Variants in RAB27B observed in about 807,000 individuals in gnomAD.
RAB27B encodes ras-related protein Rab-27B.
Under a neutral mutation model 24.6 loss-of-function variants are expected in RAB27B, and 15 were observed. That is an observed-to-expected ratio of 0.61 (90% CI 0.41 to 0.94). The LOEUF is 0.94. Among genes scored for constraint, RAB27B ranks in the 40% least tolerant of loss-of-function variants. The probability of loss-of-function intolerance (pLI) is 0.00; values close to 1 mark genes in which losing one functional copy is unlikely to be tolerated. For synonymous variants in RAB27B, 105 were observed against 92.5 expected, an observed-to-expected ratio of 1.14 and a Z score of -0.78; for missense variants, 261 against 266.8, an observed-to-expected ratio of 0.98 and a Z score of 0.15.
At chr18:54,796,840 C>T (rs1021041077) in intron 2 of RAB27B, among the ~76,000 whole-genome samples, 5 of 152,122 alleles carry the variant, frequency 3.3e-5, no homozygotes, top group Non-Finnish European at 7.4e-5. Context: ...GGGACCCTGC[C>T]CTTCTCTACC....
chr18:54,721,598 A>G (rs571541443), intron 2 of RAB27B, among the ~76,000 whole-genome samples: 1 of 152,280 alleles, frequency 6.6e-6, no homozygotes, highest in East Asian at 1.9e-4. Context: ...GCAGTAAACA[A>G]GTTATGTCCC....
At chr18:54,784,656 T>A (rs1174789539) in intron 2 of RAB27B, among the ~76,000 whole-genome samples, 2 of 152,224 alleles carry the variant, frequency 1.3e-5, no homozygotes, top group Non-Finnish European at 2.9e-5. Context: ...GTTCTTTTTT[T>A]ATGGCTGCGT....
chr18:54,790,617 AT>A (rs10713242), intron 2 of RAB27B, among the ~76,000 whole-genome samples: 57,746 of 150,712 alleles, frequency 0.38, 11,256 homozygotes, highest in South Asian at 0.49. Flanking sequence ...AAACAAAAAT[AT>A]TTTTTTTCTT....
chr18:54,821,823 G>A (rs1222314956), intron 2 of RAB27B, among the ~76,000 whole-genome samples: 1 of 152,130 alleles, frequency 6.6e-6, no homozygotes, highest in African/African-American at 2.4e-5. Flanking sequence ...ACACGATCTC[G>A]GCTCACTGCA....
chr18:54,805,920 C>A (rs530500666), intron 2 of RAB27B, among the ~76,000 whole-genome samples: 3 of 152,248 alleles, frequency 2.0e-5, no homozygotes, highest in African/African-American at 7.2e-5. Flanking sequence ...CCATCAAAAT[C>A]ATACATTGAT....
chr18:54,745,827 TTTA>T (rs1013987520), intron 2 of RAB27B, among the ~76,000 whole-genome samples: 5 of 146,714 alleles, frequency 3.4e-5, no homozygotes, highest in African/African-American at 1.2e-4. Flanking sequence ...AATATTTATA[TTTA>T]TTATATTATA....
At chr18:54,868,743 C>T (rs1351309861) in intron 1 of RAB27B, among the ~76,000 whole-genome samples, 1 of 152,130 alleles carries the variant, frequency 6.6e-6, no homozygotes, top group East Asian at 1.9e-4. Flanking sequence ...TCTCCTGCCT[C>T]AGCCTCCCAA....
intron 1 of RAB27B, among the ~76,000 whole-genome samples, chr18:54,869,778 G>T (rs910030259): frequency 6.6e-6 from 1 of 152,168 alleles, no homozygotes; most frequent in African/African-American, 2.4e-5. Flanking sequence ...AATTAGAAAT[G>T]TCAAGTAGGA....
At chr18:54,743,856 A>T (rs1910147629) in intron 2 of RAB27B, among the ~76,000 whole-genome samples, 1 of 152,184 alleles carries the variant, frequency 6.6e-6, no homozygotes. Context: ...TCACGTGTTA[A>T]TGGTTCACTT....
chr18:54,854,917 G>A (rs771791444), intron 1 of RAB27B, among the ~76,000 whole-genome samples: 3 of 152,166 alleles, frequency 2.0e-5, no homozygotes, highest in Non-Finnish European at 2.9e-5. Context: ...GACTGGGATT[G>A]GGGGATGGTT....
chr18:54,804,890 TTC>T (rs1348837563), intron 2 of RAB27B, among the ~76,000 whole-genome samples: 2 of 28,908 alleles, frequency 6.9e-5, no homozygotes, highest in Non-Finnish European at 7.8e-5. Flanking sequence ...CTTTCTTTCT[TTC>T]TCTTTCTCTC....
At chr18:54,798,546 C>T (rs192652656) in intron 2 of RAB27B, among the ~76,000 whole-genome samples, 1 of 152,338 alleles carries the variant, frequency 6.6e-6, no homozygotes, top group East Asian at 1.9e-4. Context: ...ACATAAGTGT[C>T]CAGGCAGAGA....
chr18:54,789,122 A>C (rs917661423), intron 2 of RAB27B, among the ~76,000 whole-genome samples: 2 of 152,366 alleles, frequency 1.3e-5, no homozygotes, highest in East Asian at 3.9e-4. Context: ...GCAACATTGC[A>C]GTTGAAGAAA....
intron 2 of RAB27B, among the ~76,000 whole-genome samples, chr18:54,780,962 T>C (rs1250874859): frequency 4.6e-5 from 7 of 152,216 alleles, no homozygotes; most frequent in Admixed American, 4.6e-4. Context: ...CCCATGGTTA[T>C]ACCAATGCCT....
chr18:54,826,007 C>T (rs763949452), upstream of RAB27B, among the ~76,000 whole-genome samples: 5 of 152,354 alleles, frequency 3.3e-5, no homozygotes, highest in Non-Finnish European at 7.3e-5. Flanking sequence ...ACCACGCCTG[C>T]ATCTGATTTA....
At chr18:54,815,957 ATCTT>A (rs781538982) in intron 2 of RAB27B, among the ~76,000 whole-genome samples, 6 of 152,124 alleles carry the variant, frequency 3.9e-5, no homozygotes, top group Admixed American at 6.6e-5. Flanking sequence ...AGCTAAATAA[ATCTT>A]TCTTTAAGTA....
At chr18:54,777,091 C>G (rs1908741427) in intron 2 of RAB27B, among the ~76,000 whole-genome samples, 1 of 152,086 alleles carries the variant, frequency 6.6e-6, no homozygotes, top group Non-Finnish European at 1.5e-5. Flanking sequence ...TAACATAGAT[C>G]ACACATAAAA....
chr18:54,800,861 T>A (rs542497074), intron 2 of RAB27B, among the ~76,000 whole-genome samples: 1 of 152,308 alleles, frequency 6.6e-6, no homozygotes, highest in East Asian at 1.9e-4. Context: ...GACTTTATTA[T>A]GCTGTTATTA....
At chr18:54,779,807 T>C (rs1908832351) in intron 2 of RAB27B, among the ~76,000 whole-genome samples, 1 of 152,158 alleles carries the variant, frequency 6.6e-6, no homozygotes, top group South Asian at 2.1e-4. Context: ...TTGTCATAGT[T>C]CTGGAGGCTG....
Sources: allele counts gnomAD v4.1 joint callset (sites outside exome capture counted in the v4.1 genomes callset), GRCh38; gene constraint gnomAD v4.1.1; transcripts MANE v1.5; gene names NCBI Gene and HGNC (gene_info 2026-07-23, HGNC 2026-07-21).